The following ZNF442 variants were observed in gnomAD, a reference collection of about 807,000 sequenced individuals.
The protein encoded by ZNF442 is zinc finger protein 442.
Under a neutral mutation model 57.0 loss-of-function variants are expected in ZNF442, and 45 were observed. That is an observed-to-expected ratio of 0.79 (90% confidence interval 0.62 to 1.01). The LOEUF (loss-of-function observed/expected upper bound fraction) is 1.01, where lower values mean the gene tolerates loss of function less well. ZNF442 is among the 50% of genes least tolerant of loss of function. The pLI is 0.00. For synonymous variants in ZNF442, 213 were observed against 241.8 expected (o/e 0.88, Z 1.10); for missense variants, 690 against 756.5 (o/e 0.91, Z 1.03).
chr19:12,369,812 A>G (rs1482341087), upstream of ZNF442, among the ~76,000 whole-genome samples: 1 of 151,780 alleles, frequency 6.6e-6, no homozygotes, highest in East Asian at 1.9e-4. Flanking sequence ...AGGCTGAGGC[A>G]GGAGAATCAC....
At chr19:12,352,854 C>T in intron 4 of ZNF442, 134 bp downstream of exon 4, 1 of 1,063,472 alleles carries the variant, frequency 9.4e-7, no homozygotes, top group South Asian at 1.8e-5. Context: ...GGTTGGGGAC[C>T]CAGCACCACT....
the ZNF442 span, among the ~76,000 whole-genome samples, chr19:12,372,996 T>A: frequency 0.31 from 47,645 of 151,954 alleles, 7,876 homozygotes; most frequent in Admixed American, 0.41. Flanking sequence ...ATGGTCTTGA[T>A]CTCCTGACAT....
intron 3 of ZNF442, among the ~76,000 whole-genome samples, chr19:12,359,575 T>G (rs1201070162): frequency 6.6e-6 from 1 of 152,184 alleles, no homozygotes; most frequent in African/African-American, 2.4e-5. Flanking sequence ...TTCTCCTTGC[T>G]CCAGGACCGT....
rs1471835228 is a variant in ZNF442, at chr19:12,346,532, G to C, written c.*3169C>G. ...AGCCACTTTGTAAAGCAATATACCTGTTCCTGAAAAAGGTTTACACCAATT... is the reference window on the plus strand; with the variant it reads ...AGCCACTTTGTAAAGCAATATACCTCTTCCTGAAAAAGGTTTACACCAATT... On this transcript the variant is annotated 3_prime_UTR_variant, in exon 6 of 6. Transcript: ENST00000242804. 6.6e-6 allele frequency: 1 copy of C among 152,178 alleles called. No individual in the cohort carries two copies. Among genetic ancestry groups the C allele is most frequent in the Non-Finnish European group, 1.5e-5 (1 of 68,032 alleles). The allele number at this position is 152,178 out of a possible 1,614,324, so 9.4% of individuals were successfully genotyped here.
At chr19:12,358,571 C>G (rs1321365638) in intron 3 of ZNF442, among the ~76,000 whole-genome samples, 3 of 152,132 alleles carry the variant, frequency 2.0e-5, no homozygotes, top group Non-Finnish European at 4.4e-5. Context: ...CTGAGACACT[C>G]AGCATAATAC....
intron 2 of ZNF442, among the ~76,000 whole-genome samples, chr19:12,364,372 A>G (rs1157759494): frequency 6.7e-6 from 1 of 149,020 alleles, no homozygotes; most frequent in Non-Finnish European, 1.5e-5. Context: ...GCACCATTGC[A>G]CTCCAGCCTG....
At chr19:12,371,465 G>A in the ZNF442 span, among the ~76,000 whole-genome samples, 4 of 152,148 alleles carry the variant, frequency 2.6e-5, no homozygotes, top group Admixed American at 2.6e-4. Context: ...GGTGCAGTGG[G>A]TCAAAGGTGG....
At chr19:12,366,038 G>C (rs1034535285), upstream of ZNF442, 1 of 152,264 alleles carries the variant, frequency 6.6e-6, no homozygotes, top group African/African-American at 2.4e-5. Flanking sequence ...GAGCGGTAGG[G>C]GAGGCCCAGG....
At chr19:12,358,072 C>G (rs1969363720) in intron 3 of ZNF442, among the ~76,000 whole-genome samples, 1 of 151,158 alleles carries the variant, frequency 6.6e-6, no homozygotes, top group Non-Finnish European at 1.5e-5. Context: ...AAGCAATTCT[C>G]TGCCTCAGCC....
intron 4 of ZNF442, 44 bp from the exon 5 acceptor site, chr19:12,352,114 T>C: frequency 1.3e-6 from 2 of 1,566,050 alleles, no homozygotes; most frequent in Non-Finnish European, 1.7e-6. Context: ...TATTATAAAA[T>C]TCTAAAAACA....
In ZNF442 at chr19:12,363,679, T is replaced by C. The variant is rs776934712; in HGVS notation, c.-40-8A>G. The C allele has an allele frequency of 3.9e-6, 6 of 1,554,118 alleles. No individual in the cohort carries two copies. The African/African-American group carries it at 6.8e-5, about 18-fold the overall frequency. ...GTCCCCAAGGAATGGAAACTGGGGT[T>C]GGGGAAGAACAAGGTGATTGTCCCA... On this transcript the variant is annotated splice_polypyrimidine_tract_variant and splice_region_variant and intron_variant, in intron 2 of 5. Coordinates refer to ENST00000242804, the MANE Select transcript of ZNF442 (RefSeq NM_030824.3).
Position 12,355,042 on chromosome 19 carries a change from A to G in ZNF442, c.79-1928T>C, listed in dbSNP as rs549635364. Among the ~76,000 whole-genome samples, 870 of 152,232 alleles carry G rather than the reference A, an allele frequency of 5.7e-3. 6 individuals are homozygous for G. The highest frequency in any genetic ancestry group is 0.02 in the African/African-American group (820 of 41,560). ...AGCGGTGGCTCACGCCTGTAATCCT[A>G]GCACTTTGGAAGGTTGAGGCAGGCA... On this transcript the variant is annotated intron_variant, in intron 3 of 5. Coordinates refer to ENST00000242804, the MANE Select transcript of ZNF442 (RefSeq NM_030824.3).
rs768694206 is a variant in ZNF442 at position 12,363,675 on chromosome 19, G to T, written c.-40-4C>A. Reference sequence around the variant, plus strand: ...GTGTGTCCCCAAGGAATGGAAACTGGGGTTGGGGAAGAACAAGGTGATTGT... The same window carrying T: ...GTGTGTCCCCAAGGAATGGAAACTGTGGTTGGGGAAGAACAAGGTGATTGT... On this transcript the variant is annotated splice_polypyrimidine_tract_variant and splice_region_variant and intron_variant, in intron 2 of 5. Coordinates refer to ENST00000242804, the MANE Select transcript of ZNF442 (RefSeq NM_030824.3). 1.3e-6 allele frequency: 2 copies of T among 1,571,804 alleles called. No homozygotes were observed. Among genetic ancestry groups the T allele is most frequent in the Non-Finnish European group, 1.8e-6 (2 of 1,141,728 alleles).
chr19:12,361,183 C>T (rs895866153), intron 3 of ZNF442, among the ~76,000 whole-genome samples: 1 of 152,116 alleles, frequency 6.6e-6, no homozygotes, highest in African/African-American at 2.4e-5. Context: ...AAGAGTGAAA[C>T]TCCGTCTCAA....
At position 12,347,823 on chromosome 19, in the gene ZNF442, G is replaced by A. The variant is rs908199744; in HGVS notation, c.*1878C>T. The A allele has an allele frequency of 6.6e-6, 1 of 152,136 alleles. No individual in the cohort carries two copies. The highest frequency in any genetic ancestry group is 1.5e-5 in the Non-Finnish European group (1 of 68,032). 9.4% of individuals were successfully genotyped at this position (152,136 alleles called of 1,614,324 possible). The stretch of plus-strand genomic sequence containing the variant: ...TACTCCCAATAAAACTGTCTCAACT[G>A]TTGAGCCACCTTCTCATCTCTCCTT... On this transcript the variant is annotated 3_prime_UTR_variant, in exon 6 of 6. Coordinates refer to ENST00000242804, the MANE Select transcript of ZNF442 (RefSeq NM_030824.3).
rs1320468140 is a variant in ZNF442 at position 12,348,861 on chromosome 19, T to A, written c.*840A>T. ...AGTGTTAACACACGATTCCAGGTCA[T>A]TAAATAAAAGCAATCTATGATTGTT... On this transcript the variant is annotated 3_prime_UTR_variant, in exon 6 of 6. Transcript: ENST00000242804. 6.6e-6 allele frequency: 1 copy of A among 151,618 alleles called. No homozygotes were observed. The highest frequency in any genetic ancestry group is 6.6e-5 in the Admixed American group (1 of 15,220). 9.4% of individuals were successfully genotyped at this position (151,618 alleles called of 1,614,324 possible). A position where few individuals can be genotyped will look rare whatever the true frequency, so the allele number is the denominator to read the frequency against.
chr19:12,346,866 A>AT lies in ZNF442; in HGVS notation c.*2834dup, dbSNP rs1491280138. ...TGGAAGGACACATGCATACTTCCAC[A>AT]TATCTCTCTCTCTATGAATAGTCAA... is the stretch of plus-strand genomic sequence containing the variant. On this transcript the variant is annotated 3_prime_UTR_variant, in exon 6 of 6. Coordinates refer to ENST00000242804, the MANE Select transcript of ZNF442 (RefSeq NM_030824.3). 6.6e-6 allele frequency: 1 copy of AT among 152,256 alleles called. No individual in the cohort carries two copies. Among genetic ancestry groups the AT allele is most frequent in the Non-Finnish European group, 1.5e-5 (1 of 68,046 alleles). 9.4% of individuals were successfully genotyped at this position (152,256 alleles called of 1,614,324 possible).
chr19:12,369,270 A>G (rs1043396066), upstream of ZNF442, among the ~76,000 whole-genome samples: 8 of 152,228 alleles, frequency 5.3e-5, no homozygotes, highest in African/African-American at 1.9e-4. Flanking sequence ...TAATATGGGT[A>G]GAAAGGAACT....
At chr19:12,371,870 C>G in the ZNF442 span, among the ~76,000 whole-genome samples, 1 of 152,192 alleles carries the variant, frequency 6.6e-6, no homozygotes, top group Non-Finnish European at 1.5e-5. Context: ...CAATACCATC[C>G]TGTACACAGG....
Sources: gnomAD v4.1 joint callset for allele counts (sites outside exome capture counted in the v4.1 genomes callset) on GRCh38, gnomAD v4.1.1 for gene constraint, MANE v1.5 for transcripts, NCBI Gene and HGNC (gene_info 2026-07-23, HGNC 2026-07-21) for gene names.